Variants in SLCO1A2 observed in about 807,000 individuals in gnomAD.
The protein encoded by SLCO1A2 is solute carrier organic anion transporter family member 1A2, also known as OATP-1.
Under a neutral mutation model 69.0 loss-of-function variants are expected in SLCO1A2, and 67 were observed. The ratio of observed to expected loss-of-function variants is 0.97; its 90% CI spans 0.80 to 1.19. The LOEUF (loss-of-function observed/expected upper bound fraction) is 1.19, where lower values mean the gene tolerates loss of function less well. Ranked by LOEUF, SLCO1A2 falls within the 50% of genes most tolerant of loss-of-function variation. The pLI, the probability that SLCO1A2 is intolerant of heterozygous loss-of-function variation, is 0.00. For synonymous variants in SLCO1A2, 260 were observed against 265.9 expected (o/e 0.98, Z 0.22); for missense variants, 787 against 793.7 (o/e 0.99, Z 0.10).
intron 12 of SLCO1A2, among the ~76,000 whole-genome samples, chr12:21,278,664 A>G (rs1944301548): frequency 6.6e-6 from 1 of 152,200 alleles, no homozygotes; most frequent in African/African-American, 2.4e-5. Flanking sequence ...TACATGAACC[A>G]CAGCATTATT....
At chr12:21,418,537 G>A (rs775388841), upstream of SLCO1A2, among the ~76,000 whole-genome samples, 1 of 152,160 alleles carries the variant, frequency 6.6e-6, no homozygotes, top group Non-Finnish European at 1.5e-5. Flanking sequence ...CAAAAGGCAT[G>A]TCTTAGATTG....
upstream of SLCO1A2, among the ~76,000 whole-genome samples, chr12:21,396,854 C>A (rs1263847403): frequency 6.6e-6 from 1 of 152,030 alleles, no homozygotes; most frequent in South Asian, 2.1e-4. Flanking sequence ...GCCTGCCTTA[C>A]AAGAGCTCCT....
chr12:21,360,865 G>A (rs982700135), intron 2 of SLCO1A2, among the ~76,000 whole-genome samples: 39 of 152,206 alleles, frequency 2.6e-4, no homozygotes, highest in Non-Finnish European at 5.3e-4. Context: ...GCTGAGGCTT[G>A]AGAAGGTAAA....
At chr12:21,290,128 A>G (rs975378001) in intron 12 of SLCO1A2, among the ~76,000 whole-genome samples, 1 of 151,964 alleles carries the variant, frequency 6.6e-6, no homozygotes, top group Non-Finnish European at 1.5e-5. Flanking sequence ...ATATATTTAT[A>G]TATAGTACTT....
intron 13 of SLCO1A2, chr12:21,274,856 T>C (rs1457715889): frequency 5.4e-6 from 5 of 921,330 alleles, no homozygotes; most frequent in Non-Finnish European, 5.5e-6. Context: ...TTTTCTTAAA[T>C]GTTTTGGGCC....
At chr12:21,358,587 A>G (rs1436169174) in intron 2 of SLCO1A2, among the ~76,000 whole-genome samples, 1 of 152,136 alleles carries the variant, frequency 6.6e-6, no homozygotes, top group Non-Finnish European at 1.5e-5. Context: ...ATATATAGAT[A>G]ATTTTGTGTC....
intron 2 of SLCO1A2, among the ~76,000 whole-genome samples, chr12:21,357,698 T>C (rs971927171): frequency 6.6e-6 from 1 of 152,114 alleles, no homozygotes; most frequent in Admixed American, 6.6e-5. Flanking sequence ...AGCGATTATT[T>C]TTCATTTGTT....
At chr12:21,416,356 G>GCACA (rs3061424) in intron 1 of SLCO1A2, among the ~76,000 whole-genome samples, 4,965 of 146,884 alleles carry the variant, frequency 0.034, 109 homozygotes, top group Non-Finnish European at 0.045. Context: ...AGAATCTCGG[G>GCACA]CACACACACA....
chr12:21,326,992 C>T (rs760646047), intron 2 of SLCO1A2, among the ~76,000 whole-genome samples: 43 of 152,088 alleles, frequency 2.8e-4, no homozygotes, highest in Non-Finnish European at 5.9e-4. Flanking sequence ...AAATGTCTCC[C>T]GGACATGTCA....
intron 1 of SLCO1A2, among the ~76,000 whole-genome samples, chr12:21,413,243 T>C (rs1156798811): frequency 4.5e-5 from 5 of 111,542 alleles, no homozygotes; most frequent in Non-Finnish European, 9.3e-5. Context: ...TTTTCTTTTT[T>C]TTTTTTTTTT....
At chr12:21,294,154 C>G in intron 10 of SLCO1A2, 44 bp from the exon 11 acceptor site, 1 of 1,392,188 alleles carries the variant, frequency 7.2e-7, no homozygotes, top group Non-Finnish European at 9.7e-7. Context: ...AAAGAGGATT[C>G]AATCCTTTTT....
At chr12:21,381,849 G>A (rs1940607788) in intron 1 of SLCO1A2, among the ~76,000 whole-genome samples, 1 of 152,092 alleles carries the variant, frequency 6.6e-6, no homozygotes, top group Non-Finnish European at 1.5e-5. Flanking sequence ...GTAAATGTGG[G>A]GAAAAAGAAA....
At chr12:21,350,446 A>G (rs1013237815) in intron 2 of SLCO1A2, among the ~76,000 whole-genome samples, 4 of 152,180 alleles carry the variant, frequency 2.6e-5, no homozygotes, top group African/African-American at 9.7e-5. Flanking sequence ...TAATATGGAA[A>G]AGTATTCATA....
chr12:21,343,820 T>C lies in SLCO1A2; in HGVS notation c.-62-9111A>G, dbSNP rs369443708. Among the ~76,000 whole-genome samples, 140 of 152,234 alleles carry C rather than the reference T, an allele frequency of 9.2e-4. 5 individuals carry two copies. The South Asian group carries it at 0.028, about 31-fold the overall frequency. Reference sequence around the variant, plus strand: ...AGGGAAAATGTTAATAATGGACATTTGCATTGGAATGGAAATAGGGCAGAG... The same window carrying C: ...AGGGAAAATGTTAATAATGGACATTCGCATTGGAATGGAAATAGGGCAGAG... On this transcript the variant is annotated intron_variant, in intron 2 of 15. Coordinates refer to the SLCO1A2 transcript ENST00000307378.
In SLCO1A2 at chr12:21,274,893, G is replaced by A. The variant is rs866361716; in HGVS notation, c.1676-307C>T. The A allele has an allele frequency of 2.6e-5, 27 of 1,057,808 alleles. No individual in the cohort carries two copies. The South Asian group carries it at 9.0e-4, about 35-fold the overall frequency. 65.5% of individuals were successfully genotyped at this position (1,057,808 alleles called of 1,614,324 possible). On this transcript the variant is annotated intron_variant, in intron 13 of 14. Coordinates refer to ENST00000683939, the MANE Select transcript of SLCO1A2 (RefSeq NM_001386879.1). ...GTTATATGTACATTTTATTTGGGCA[G>A]AGCATTTTCTTTCATTTTATTTTCA... is the stretch of plus-strand genomic sequence containing the variant.
chr12:21,311,840 T>C (rs144480510), intron 4 of SLCO1A2: 11,480 of 135,928 alleles, frequency 0.084, 446 homozygotes, highest in African/African-American at 0.11. Context: ...GCAGGAGAAT[T>C]GCTTCAACCC....
chr12:21,279,184 A>C (rs962520826), intron 12 of SLCO1A2, among the ~76,000 whole-genome samples: 1 of 152,052 alleles, frequency 6.6e-6, no homozygotes, highest in African/African-American at 2.4e-5. Flanking sequence ...AAAGAATAAA[A>C]AAAAGTGAAG....
At chr12:21,413,742 G>A (rs1419368988) in intron 1 of SLCO1A2, among the ~76,000 whole-genome samples, 1 of 152,060 alleles carries the variant, frequency 6.6e-6, no homozygotes. Flanking sequence ...AAATAATAGA[G>A]ACAGCCTTAC....
chr12:21,307,491 C>A lies in SLCO1A2; in HGVS notation c.336-503G>T, dbSNP rs547289039. On this transcript the variant is annotated intron_variant, in intron 4 of 14. Transcript: ENST00000683939. Reference sequence around the variant, plus strand: ...TGCGTTTCATAAACCCCTAAAAAAACCAAAATATTTGTCCATCATAATGAG... The same window carrying A: ...TGCGTTTCATAAACCCCTAAAAAAAACAAAATATTTGTCCATCATAATGAG... Among the ~76,000 whole-genome samples, 7 of 152,236 alleles carry A rather than the reference C, an allele frequency of 4.6e-5. No individual in the cohort carries two copies. The East Asian group carries it at 5.8e-4, about 13-fold the overall frequency.
Sources: gnomAD v4.1 joint callset for allele counts (sites outside exome capture counted in the v4.1 genomes callset) on GRCh38, gnomAD v4.1.1 for gene constraint, MANE v1.5 for transcripts, NCBI Gene and HGNC (gene_info 2026-07-23, HGNC 2026-07-21) for gene names.